The following MCHR2 variants were observed in gnomAD, a reference collection of about 807,000 sequenced individuals.
MCHR2 encodes the protein melanin-concentrating hormone receptor 2.
In MCHR2, 15 loss-of-function variants were observed where a neutral mutation model predicts 24.8. The ratio of observed to expected loss-of-function variants is 0.60; its 90% CI spans 0.40 to 0.93. The LOEUF (loss-of-function observed/expected upper bound fraction) is 0.93, where lower values mean the gene tolerates loss of function less well. MCHR2 is among the 40% of genes least tolerant of loss of function. The probability of loss-of-function intolerance (pLI) is 0.00; values close to 1 mark genes in which losing one functional copy is unlikely to be tolerated. For synonymous variants in MCHR2, 151 were observed against 147.6 expected (o/e 1.02, Z -0.17); for missense variants, 386 against 408.7 (o/e 0.94, Z 0.48).
intron 3 of MCHR2, 141 bp downstream of exon 3, chr6:99,947,621 T>G (rs1471552052): frequency 2.9e-6 from 2 of 679,274 alleles, no homozygotes; most frequent in African/African-American, 3.6e-5. Context: ...CAAAATATTC[T>G]TAAGTAATCA....
chr6:99,939,866 G>A (rs1450897251), intron 4 of MCHR2, among the ~76,000 whole-genome samples: 1 of 91,290 alleles, frequency 1.1e-5, no homozygotes, highest in African/African-American at 4.4e-5. Context: ...ATCTTGGATG[G>A]CAGGTGTTTT....
intron 5 of MCHR2, among the ~76,000 whole-genome samples, chr6:99,933,830 T>C (rs1774595376): frequency 6.6e-6 from 1 of 152,118 alleles, no homozygotes; most frequent in African/African-American, 2.4e-5. Flanking sequence ...ATACACAATC[T>C]CAAGGTGAAA....
chr6:99,978,830 A>G (rs1198668994), intron 1 of MCHR2, among the ~76,000 whole-genome samples: 2 of 152,152 alleles, frequency 1.3e-5, no homozygotes, highest in Non-Finnish European at 2.9e-5. Context: ...CCTGCTTCAC[A>G]GTTTGTGCTG....
At chr6:99,988,258 T>A (rs1775804204) in intron 1 of MCHR2, among the ~76,000 whole-genome samples, 1 of 152,194 alleles carries the variant, frequency 6.6e-6, no homozygotes, top group East Asian at 1.9e-4. Flanking sequence ...AATGGTGACA[T>A]CAGAGTCCAG....
rs1042928072 is a variant in MCHR2, at chr6:99,942,884, G to A, written c.587+65C>T. ...TACTCTTTGAGGCTGCTCACATGTT[G>A]ACAAGGAGAATGAAGTTCTTCACAA... On this transcript the variant is annotated intron_variant, in intron 4 of 5. Transcript: ENST00000281806. The A allele has an allele frequency of 2.2e-6, 3 of 1,392,426 alleles. No individual in the cohort carries two copies. In the Admixed American group the frequency reaches 5.7e-5, roughly 27 times the overall value. The allele number at this position is 1,392,426 out of a possible 1,614,324, so 86.3% of individuals were successfully genotyped here.
chr6:99,920,869 C>T lies in MCHR2; in HGVS notation c.*71G>A, dbSNP rs1562114814. On this transcript the variant is annotated 3_prime_UTR_variant, in exon 6 of 6. Coordinates refer to ENST00000281806, the MANE Select transcript of MCHR2 (RefSeq NM_001040179.2). Reference sequence around the variant, plus strand: ...AAGAATGGGCATAAACATATCGGTACACCTGCCCTTTCTGATAATACCAGT... The same window carrying T: ...AAGAATGGGCATAAACATATCGGTATACCTGCCCTTTCTGATAATACCAGT... 5 of 1,451,010 alleles carry T rather than the reference C, an allele frequency of 3.4e-6. No individual in the cohort carries two copies. Among genetic ancestry groups the T allele is most frequent in the Non-Finnish European group, 1.9e-6 (2 of 1,050,926 alleles). The allele number at this position is 1,451,010 out of a possible 1,614,324, so 89.9% of individuals were successfully genotyped here. A position where few individuals can be genotyped will look rare whatever the true frequency, so the allele number is the denominator to read the frequency against.
intron 5 of MCHR2, among the ~76,000 whole-genome samples, chr6:99,927,262 G>C (rs1383419490): frequency 6.6e-6 from 1 of 152,160 alleles, no homozygotes; most frequent in Non-Finnish European, 1.5e-5. Context: ...TTTGAAGTCA[G>C]GTAGCATGAT....
intron 1 of MCHR2, among the ~76,000 whole-genome samples, chr6:99,978,277 A>G (rs1775593586): frequency 6.6e-6 from 1 of 152,206 alleles, no homozygotes; most frequent in Admixed American, 6.5e-5. Context: ...GAAAACCCTT[A>G]AGATGAAGTA....
intron 2 of MCHR2, among the ~76,000 whole-genome samples, chr6:99,955,587 T>C (rs565358457): frequency 5.9e-5 from 9 of 152,258 alleles, no homozygotes; most frequent in African/African-American, 1.7e-4. Context: ...ATTGCAGTTT[T>C]AAATCTTACC....
chr6:99,934,336 T>A, intron 5 of MCHR2, 62 bp downstream of exon 5: 1 of 1,407,100 alleles, frequency 7.1e-7, no homozygotes. Flanking sequence ...TAAGTTTCTA[T>A]TGTAGATGTC....
At chr6:99,948,808 A>C (rs964072784) in intron 2 of MCHR2, among the ~76,000 whole-genome samples, 2 of 152,152 alleles carry the variant, frequency 1.3e-5, no homozygotes, top group African/African-American at 4.8e-5. Context: ...TTCTTATTGC[A>C]GCTTAGGCCA....
At chr6:99,921,313 A>C (rs565673375) in intron 5 of MCHR2, 58 bp from the exon 6 acceptor site, 1 of 1,502,860 alleles carries the variant, frequency 6.7e-7, no homozygotes, top group African/African-American at 1.4e-5. Flanking sequence ...TTATGGGGCA[A>C]TGTGTTCCTA....
chr6:99,933,876 G>A (rs997352482), intron 5 of MCHR2, among the ~76,000 whole-genome samples: 1 of 152,016 alleles, frequency 6.6e-6, no homozygotes, highest in African/African-American at 2.4e-5. Flanking sequence ...TTAGAGACAA[G>A]TATCTTCAAA....
intron 1 of MCHR2, among the ~76,000 whole-genome samples, chr6:99,987,061 CTATTG>C (rs1306829072): frequency 6.6e-6 from 1 of 151,468 alleles, no homozygotes; most frequent in Non-Finnish European, 1.5e-5. Context: ...TTCTTATACT[CTATTG>C]TATTGTGTTT....
At chr6:99,980,547 ATGTG>A (rs10677779) in intron 1 of MCHR2, among the ~76,000 whole-genome samples, 3 of 150,404 alleles carry the variant, frequency 2.0e-5, no homozygotes, top group Non-Finnish European at 3.0e-5. Flanking sequence ...GTGAAAGCAT[ATGTG>A]TGTGTGTGTG....
chr6:99,991,751 G>C (rs758653152), intron 1 of MCHR2, among the ~76,000 whole-genome samples: 5 of 136,770 alleles, frequency 3.7e-5, no homozygotes, highest in Non-Finnish European at 1.5e-5. Flanking sequence ...AGCTTGCAGT[G>C]AGCAGAGACC....
At chr6:99,929,658 A>G (rs1242095018) in intron 5 of MCHR2, among the ~76,000 whole-genome samples, 1 of 152,018 alleles carries the variant, frequency 6.6e-6, no homozygotes, top group African/African-American at 2.4e-5. Flanking sequence ...CTAGGATTGC[A>G]ACCCCTGCCT....
chr6:99,952,583 C>T (rs1774985385), intron 2 of MCHR2, among the ~76,000 whole-genome samples: 1 of 151,836 alleles, frequency 6.6e-6, no homozygotes, highest in African/African-American at 2.4e-5. Flanking sequence ...TTATTTAATT[C>T]ACCTGTCTGT....
intron 1 of MCHR2, among the ~76,000 whole-genome samples, chr6:99,958,562 G>C (rs1394052774): frequency 6.6e-6 from 1 of 151,714 alleles, no homozygotes; most frequent in South Asian, 2.1e-4. Flanking sequence ...TTCATTAAAA[G>C]ACACCATCAA....
Sources: gnomAD v4.1 joint callset for allele counts (sites outside exome capture counted in the v4.1 genomes callset) on GRCh38, gnomAD v4.1.1 for gene constraint, MANE v1.5 for transcripts, NCBI Gene and HGNC (gene_info 2026-07-23, HGNC 2026-07-21) for gene names.